Variants in ARID1B observed in about 807,000 individuals in gnomAD.
The protein encoded by ARID1B is AT-rich interaction domain 1B, also known as AT-rich interactive domain-containing protein 1B.
Under a neutral mutation model 212.3 loss-of-function variants are expected in ARID1B, and 30 were observed. That is an observed-to-expected ratio of 0.14 (90% confidence interval 0.11 to 0.19). ARID1B has a LOEUF of 0.19. Ranked by LOEUF, ARID1B falls within the 10% of genes least tolerant of loss-of-function variation. ARID1B has a pLI of 1.00. For synonymous variants in ARID1B, 1,402 were observed against 1,301.7 expected (o/e 1.08, Z -1.66); for missense variants, 2,891 against 3,204.0 (o/e 0.90, Z 2.36).
intron 2 of ARID1B, among the ~76,000 whole-genome samples, chr6:156,882,243 G>A (rs1787159391): frequency 6.6e-6 from 1 of 152,074 alleles, no homozygotes; most frequent in Non-Finnish European, 1.5e-5. Flanking sequence ...CCCATGTTCT[G>A]GGACCCATTT....
intron 9 of ARID1B, among the ~76,000 whole-genome samples, chr6:157,170,660 A>T (rs1008432395): frequency 2.4e-4 from 37 of 152,344 alleles, no homozygotes; most frequent in Middle Eastern, 6.8e-3. Flanking sequence ...AAAGCCACCC[A>T]GCATGGCCAG....
intron 2 of ARID1B, among the ~76,000 whole-genome samples, chr6:156,899,068 A>G (rs1453730650): frequency 1.3e-5 from 2 of 152,306 alleles, no homozygotes; most frequent in African/African-American, 4.8e-5. Flanking sequence ...AATAATTAAT[A>G]TTTTACAGAG....
chr6:157,185,962 C>T (rs1792945586), intron 13 of ARID1B: 2 of 152,374 alleles, frequency 1.3e-5, no homozygotes, highest in African/African-American at 2.4e-5. Context: ...TTAAAAATCT[C>T]ACAACATTAC....
intron 4 of ARID1B, among the ~76,000 whole-genome samples, chr6:157,037,987 C>T (rs1324157839): frequency 6.6e-6 from 1 of 152,152 alleles, no homozygotes; most frequent in Non-Finnish European, 1.5e-5. Context: ...TTATAATCTT[C>T]CAGACCTGAA....
At chr6:156,871,545 G>A in intron 2 of ARID1B, 1 of 1,430,078 alleles carries the variant, frequency 7.0e-7, no homozygotes, top group East Asian at 2.3e-5. Flanking sequence ...TAAGCCACAG[G>A]GCCAAGATGG....
Position 156,778,366 on chromosome 6 carries a change from G to GCGCGCCTCAGCCCGGCCC in ARID1B, c.689_706dup (p.Ala230_Pro235dup). 1 of 1,539,348 alleles carries GCGCGCCTCAGCCCGGCCC rather than the reference G, an allele frequency of 6.5e-7. No homozygotes were observed. Among genetic ancestry groups the GCGCGCCTCAGCCCGGCCC allele is most frequent in the Non-Finnish European group, 8.7e-7 (1 of 1,146,218 alleles). ...AACAGCTTGGGCGGCGCGGGCGGCG[G>GCGCGCCTCAGCCCGGCCC]CGCGCCTCAGCCCGGCCCCGACATG... On this transcript the variant is annotated inframe_insertion, in exon 1 of 20. Transcript: ENST00000636930.
At position 157,206,345 on chromosome 6, in the gene ARID1B, CTGAATGTATTGA is replaced by C; in HGVS notation, c.5577_5588del (p.Glu1859_Asp1862del). 1 of 1,614,156 alleles carries C rather than the reference CTGAATGTATTGA, an allele frequency of 6.2e-7. No homozygotes were observed. The highest frequency in any genetic ancestry group is 8.5e-7 in the Non-Finnish European group (1 of 1,180,024). Reference sequence around the variant, plus strand: ...GATTCTGGGAAAGAGGAGGAAGATGCTGAATGTATTGATGACGACGAGGAAGACGAGGAGGAT... The same window carrying C: ...GATTCTGGGAAAGAGGAGGAAGATGCTGACGACGAGGAAGACGAGGAGGAT... On this transcript the variant is annotated inframe_deletion, in exon 20 of 20. Transcript: ENST00000636930. The surrounding 1 kb of genome is among the most constrained non-coding windows in gnomAD (Gnocchi z 6.8).
At chr6:156,926,891 A>G (rs1197493218) in intron 3 of ARID1B, among the ~76,000 whole-genome samples, 1 of 152,160 alleles carries the variant, frequency 6.6e-6, no homozygotes, top group Non-Finnish European at 1.5e-5. Context: ...CATGTTGGCC[A>G]GGCTGGGCTC....
chr6:156,940,683 T>TA (rs1248452975), intron 4 of ARID1B: 2 of 152,238 alleles, frequency 1.3e-5, no homozygotes, highest in Admixed American at 6.5e-5. Context: ...TAATGACACT[T>TA]ACGTTGGTTA....
At chr6:157,053,069 GA>G (rs1188424158) in intron 4 of ARID1B, among the ~76,000 whole-genome samples, 2 of 151,584 alleles carry the variant, frequency 1.3e-5, no homozygotes, top group African/African-American at 2.4e-5. Context: ...ATATCATGAA[GA>G]ATTATTTTAT....
intron 2 of ARID1B, among the ~76,000 whole-genome samples, chr6:156,831,774 T>A (rs145348477): frequency 6.6e-6 from 1 of 152,232 alleles, no homozygotes; most frequent in African/African-American, 2.4e-5. Flanking sequence ...TTTCAGCAAA[T>A]TTTTAATTAA....
At chr6:156,975,990 T>C (rs143430785) in intron 4 of ARID1B, among the ~76,000 whole-genome samples, 237 of 152,082 alleles carry the variant, frequency 1.6e-3, no homozygotes, top group African/African-American at 5.6e-3. Context: ...TCTTACAAAG[T>C]ACCTTCTCAA....
At chr6:157,170,366 G>A (rs1400898372) in intron 9 of ARID1B, 1 of 152,176 alleles carries the variant, frequency 6.6e-6, no homozygotes, top group Non-Finnish European at 1.5e-5. Context: ...GGACTTCAGG[G>A]TCTCTCACAA....
intron 5 of ARID1B, among the ~76,000 whole-genome samples, chr6:157,100,139 AAGGT>A (rs1785962226): frequency 6.6e-6 from 1 of 152,190 alleles, no homozygotes; most frequent in African/African-American, 2.4e-5. Flanking sequence ...TCTCAGTTGA[AAGGT>A]AGGGAAGAAC....
intron 6 of ARID1B, among the ~76,000 whole-genome samples, chr6:157,129,588 G>A (rs1004059982): frequency 5.9e-5 from 9 of 152,218 alleles, no homozygotes; most frequent in African/African-American, 2.2e-4. Context: ...TCCACACCCA[G>A]TTGAACTTTG....
At chr6:157,007,622 A>G (rs908801689) in intron 4 of ARID1B, among the ~76,000 whole-genome samples, 1 of 152,322 alleles carries the variant, frequency 6.6e-6, no homozygotes, top group African/African-American at 2.4e-5. Context: ...AATGAGTCAG[A>G]GAGTTGTTGT....
chr6:157,036,785 C>T lies in ARID1B; in HGVS notation c.2248-47877C>T, dbSNP rs1450851473. The T allele has an allele frequency of 2.9e-5, 14 of 486,918 alleles. No homozygotes were observed. In the East Asian group the frequency reaches 6.3e-4, roughly 22 times the overall value. The allele number at this position is 486,918 out of a possible 1,614,324, so 30.2% of individuals were successfully genotyped here. ...TGTGTCTGGTTTCTGTGGCTAGACT[C>T]AAAGAGGTTTTTGATAGTGCCTAAA... On this transcript the variant is annotated intron_variant, in intron 4 of 19. Transcript: ENST00000636930.
intron 8 of ARID1B, among the ~76,000 whole-genome samples, chr6:157,160,827 C>T (rs1583427137): frequency 6.6e-6 from 1 of 152,204 alleles, no homozygotes; most frequent in East Asian, 1.9e-4. Context: ...TGGTTAATTC[C>T]AGTGGATTGA....
At chr6:156,917,876 G>C (rs1036441994) in intron 3 of ARID1B, among the ~76,000 whole-genome samples, 1 of 152,128 alleles carries the variant, frequency 6.6e-6, no homozygotes, top group African/African-American at 2.4e-5. Flanking sequence ...AGGTAGATGG[G>C]TGTTTAAATG....
Sources: allele counts gnomAD v4.1 joint callset (sites outside exome capture counted in the v4.1 genomes callset), GRCh38; gene constraint gnomAD v4.1.1; non-coding constraint Gnocchi (gnomAD v3.1); transcripts MANE v1.5; gene names NCBI Gene and HGNC (gene_info 2026-07-23, HGNC 2026-07-21).